Variants in ICE1 observed in about 807,000 individuals in gnomAD.
ICE1 encodes the protein little elongation complex subunit 1.
ICE1 carries 64 observed loss-of-function variants against 192.7 expected under a neutral mutation model. The ratio of observed to expected loss-of-function variants is 0.33; its 90% CI spans 0.27 to 0.41. ICE1 has a LOEUF of 0.41. ICE1 is among the 10% of genes least tolerant of loss of function. The probability of loss-of-function intolerance (pLI) is 1.00; values close to 1 mark genes in which losing one functional copy is unlikely to be tolerated. For synonymous variants in ICE1, 1,010 were observed against 984.5 expected, an observed-to-expected ratio of 1.03 and a Z score of -0.49; for missense variants, 2,708 against 2,696.0, an observed-to-expected ratio of 1.00 and a Z score of -0.10.
Position 5,476,036 on chromosome 5 carries a change from G to T in ICE1, c.6477G>T (p.Ala2159=). ...ACAGAAAAGGACATGCAAACATTGC[G>T]TATACTCCTGATATTATTATAGCCT... ...IKYRKGHANI[A]YTPDIIIASI... The change falls in exon 17 of 19, where the codon GCG becomes GCT. Residue 2159 remains alanine, a synonymous_variant. Transcript: ENST00000296564. 17 of 1,609,990 alleles carry T rather than the reference G, an allele frequency of 1.1e-5. No homozygotes were observed. Among genetic ancestry groups the T allele is most frequent in the Non-Finnish European group, 1.4e-5 (17 of 1,177,234 alleles).
intron 6 of ICE1, 30 bp from the exon 7 acceptor site, chr5:5,444,259 G>C (rs1047009845): frequency 4.0e-6 from 6 of 1,495,208 alleles, no homozygotes; most frequent in Non-Finnish European, 5.5e-6. Context: ...TCTCTTTCTT[G>C]CCATTTAACT....
intron 14 of ICE1, among the ~76,000 whole-genome samples, chr5:5,468,400 A>G (rs1013562818): frequency 2.0e-5 from 3 of 152,020 alleles, no homozygotes; most frequent in Admixed American, 2.0e-4. Flanking sequence ...TGTAGACTAC[A>G]CTTCAATTAA....
In ICE1 at chr5:5,462,417, G is replaced by A. The variant is rs1466328944; in HGVS notation, c.3083G>A (p.Gly1028Asp). 2.5e-6 allele frequency: 4 copies of A among 1,613,938 alleles called. No individual in the cohort carries two copies. In the African/African-American group the frequency reaches 4.0e-5, roughly 16 times the overall value. Residue 1028 changes from glycine to aspartate, a missense_variant, in exon 13 of 19, where the codon GGT (glycine) becomes GAT (aspartate). By Grantham distance (94) the Gly-to-Asp change is moderately conservative. Around this residue, in one of 2 missense-constraint regions of ICE1, gnomAD observed 2,366 missense variants for 2,276.6 expected, o/e 1.04. Coordinates refer to ENST00000296564, the MANE Select transcript of ICE1 (RefSeq NM_015325.3). ...AGCTGTGGAGACACAGGGAGATCTG[G>A]TGGTGAGGCCCTGGCTGTTGCAAAT... ...ETSCGDTGRS[G>D]GEALAVANDS...
chr5:5,426,060 A>T (rs1164838222), intron 1 of ICE1, among the ~76,000 whole-genome samples: 1 of 152,234 alleles, frequency 6.6e-6, no homozygotes, highest in Non-Finnish European at 1.5e-5. Flanking sequence ...CCATTTTCAG[A>T]TTTAATGTTT....
chr5:5,449,190 C>T (rs1579552834), intron 10 of ICE1, among the ~76,000 whole-genome samples: 1 of 152,172 alleles, frequency 6.6e-6, no homozygotes, highest in African/African-American at 2.4e-5. Flanking sequence ...TTTTTATCTA[C>T]CCTCTTAATC....
chr5:5,452,549 C>A (rs1419886633), intron 10 of ICE1, among the ~76,000 whole-genome samples: 1 of 151,950 alleles, frequency 6.6e-6, no homozygotes, highest in African/African-American at 2.4e-5. Flanking sequence ...TAAACATGTT[C>A]CTGGATGAGA....
At position 5,465,156 on chromosome 5, in the gene ICE1, A is replaced by C. The variant is rs1738946766; in HGVS notation, c.5822A>C (p.Asn1941Thr). The stretch of plus-strand genomic sequence containing the variant: ...ATTCGTAGTCATGTGTATGTGGGAA[A>C]TATCTCCAAAAAGCCCGTAATGAGA... Reference protein sequence around the residue: ...PVIRSHVYVGNISKKPVMRDQ... With the variant: ...PVIRSHVYVGTISKKPVMRDQ... Residue 1941 changes from asparagine to threonine, a missense_variant, in exon 13 of 19, where the codon AAT (asparagine) becomes ACT (threonine). Coordinates refer to ENST00000296564, the MANE Select transcript of ICE1 (RefSeq NM_015325.3). The C allele has an allele frequency of 6.2e-7, 1 of 1,608,302 alleles. No homozygotes were observed. Among genetic ancestry groups the C allele is most frequent in the African/African-American group, 1.3e-5 (1 of 74,988 alleles).
At chr5:5,448,888 C>T (rs1407526514) in intron 10 of ICE1, among the ~76,000 whole-genome samples, 2 of 152,190 alleles carry the variant, frequency 1.3e-5, no homozygotes, top group Admixed American at 6.5e-5. Context: ...GTGCTTTTGA[C>T]TAGATTCTTT....
At chr5:5,449,943 T>C (rs905419910) in intron 10 of ICE1, among the ~76,000 whole-genome samples, 2 of 152,206 alleles carry the variant, frequency 1.3e-5, no homozygotes, top group Admixed American at 1.3e-4. Context: ...CACTTTCCAC[T>C]GCTTCCCCTG....
chr5:5,477,199 A>G (rs1739341623), intron 17 of ICE1, among the ~76,000 whole-genome samples: 2 of 152,324 alleles, frequency 1.3e-5, no homozygotes, highest in South Asian at 4.1e-4. Flanking sequence ...CAATGAATCC[A>G]GGAGCTGGGT....
In ICE1 at chr5:5,464,846, T is replaced by C. The variant is rs1369481607; in HGVS notation, c.5512T>C (p.Ser1838Pro). The C allele has an allele frequency of 1.2e-6, 2 of 1,613,188 alleles. No individual in the cohort carries two copies. Among genetic ancestry groups the C allele is most frequent in the Non-Finnish European group, 1.7e-6 (2 of 1,179,536 alleles). ...QQDSSGKRTL[S>P]TSTLRSAKRL... is the part of the protein sequence containing the mutation. ...GGATTCAAGCGGGAAAAGAACACTG[T>C]CAACGTCTACACTGAGAAGTGCTAA... The change falls in exon 13 of 19, where the codon TCA becomes CCA. Residue 1838 changes from serine (S) to proline (P), a missense_variant. By Grantham distance (74) the Ser-to-Pro change is moderately conservative. Transcript: ENST00000296564. This position sits in a 1 kb window ranked among gnomAD's most constrained non-coding sequence, Gnocchi z 4.0.
rs2111330870 is a variant in ICE1, at chr5:5,429,138, A to C, written c.84+6139A>C. Reference sequence around the variant, plus strand: ...CTAATTGCTCCAGTATCGTGTTGTAACAGTACTTGTGAAGTGTTATCTGCC... The same window carrying C: ...CTAATTGCTCCAGTATCGTGTTGTACCAGTACTTGTGAAGTGTTATCTGCC... On this transcript the variant is annotated intron_variant, in intron 1 of 18. Transcript: ENST00000296564. Among the ~76,000 whole-genome samples the C allele has an allele frequency of 2.0e-5, 3 of 152,268 alleles. No homozygotes were observed. In the Middle Eastern group the frequency reaches 0.01, roughly 518 times the overall value.
chr5:5,451,867 C>T (rs1738428350), intron 10 of ICE1, among the ~76,000 whole-genome samples: 1 of 152,088 alleles, frequency 6.6e-6, no homozygotes, highest in Non-Finnish European at 1.5e-5. Context: ...AGCATGCACA[C>T]ATGTTCTCAA....
chr5:5,462,769 T>C lies in ICE1; in HGVS notation c.3435T>C (p.Pro1145=). 2 of 1,613,752 alleles carry C rather than the reference T, an allele frequency of 1.2e-6. No homozygotes were observed. Among genetic ancestry groups the C allele is most frequent in the Non-Finnish European group, 1.7e-6 (2 of 1,179,784 alleles). Reference sequence around the variant, plus strand: ...ATGCTGCTGTAGCCGAGGTGAGACCTTCCTTAGAGGTAGGTTATTTGACGT... The same window carrying C: ...ATGCTGCTGTAGCCGAGGTGAGACCCTCCTTAGAGGTAGGTTATTTGACGT... ...DTDAAVAEVR[P]SLEVGYLTSA... is the part of the protein sequence containing the mutation. Residue 1145 remains proline (P), a synonymous_variant, in exon 13 of 19, where the codon CCT becomes CCC. Transcript: ENST00000296564.
chr5:5,461,407 G>A lies in ICE1; in HGVS notation c.2073G>A (p.Glu691=). 2 of 1,613,990 alleles carry A rather than the reference G, an allele frequency of 1.2e-6. No homozygotes were observed. Among genetic ancestry groups the A allele is most frequent in the East Asian group, 2.2e-5 (1 of 44,878 alleles). Residue 691 remains glutamate (E), a synonymous_variant, in exon 13 of 19, where the codon GAG becomes GAA. Transcript: ENST00000296564. ...NTLHLQSEPP[E]CSIGGNNLEN... Reference sequence around the variant, plus strand: ...TACATCTGCAGTCTGAGCCACCGGAGTGTTCTATAGGAGGAAACAACTTGG... The same window carrying A: ...TACATCTGCAGTCTGAGCCACCGGAATGTTCTATAGGAGGAAACAACTTGG...
intron 12 of ICE1, among the ~76,000 whole-genome samples, chr5:5,459,387 A>G (rs992049311): frequency 1.3e-5 from 2 of 152,204 alleles, no homozygotes; most frequent in Admixed American, 6.5e-5. Flanking sequence ...AATGTTAGGT[A>G]TGAGGTATGC....
chr5:5,458,303 A>G (rs1195109301), intron 12 of ICE1, among the ~76,000 whole-genome samples: 1 of 152,190 alleles, frequency 6.6e-6, no homozygotes, highest in African/African-American at 2.4e-5. Context: ...TGAAAACACC[A>G]TGTGTGCCTG....
intron 5 of ICE1, 144 bp from the exon 6 acceptor site, chr5:5,443,024 T>C (rs984353586): frequency 3.8e-6 from 2 of 525,748 alleles, no homozygotes; most frequent in African/African-American, 4.1e-5. Context: ...AGAATCTGGT[T>C]ACCTCTATTA....
intron 17 of ICE1, among the ~76,000 whole-genome samples, chr5:5,478,028 G>T (rs1739369222): frequency 6.6e-6 from 1 of 152,138 alleles, no homozygotes; most frequent in African/African-American, 2.4e-5. Flanking sequence ...ATACTGAATG[G>T]GCAAAAGCTG....
Sources: gnomAD v4.1 joint callset for allele counts (sites outside exome capture counted in the v4.1 genomes callset) on GRCh38, gnomAD v4.1.1 for gene constraint, gnomAD v4.1.1 regional missense constraint, Gnocchi (gnomAD v3.1) non-coding constraint, MANE v1.5 for transcripts, NCBI Gene and HGNC (gene_info 2026-07-23, HGNC 2026-07-21) for gene names.